GRM7: variants seen among roughly 807,000 people sequenced by gnomAD.
GRM7 encodes metabotropic glutamate receptor 7.
Under a neutral mutation model 84.5 loss-of-function variants are expected in GRM7, and 35 were observed. The observed-to-expected ratio is 0.41, with a 90% confidence interval of 0.32 to 0.55. The LOEUF (loss-of-function observed/expected upper bound fraction) is 0.55, where lower values mean the gene tolerates loss of function less well. GRM7 is among the 20% of genes least tolerant of loss of function. GRM7 has a pLI of 0.19. For synonymous variants in GRM7, 487 were observed against 455.1 expected (o/e 1.07, Z -0.89); for missense variants, 1,003 against 1,194.6 (o/e 0.84, Z 2.36).
At chr3:7,733,985 A>G (rs770561479) in intron 9 of GRM7, among the ~76,000 whole-genome samples, 45 of 152,332 alleles carry the variant, frequency 3.0e-4, no homozygotes, top group Admixed American at 1.4e-3. Flanking sequence ...TTAAGCACTC[A>G]TCACAGATAT....
At chr3:7,175,114 G>A (rs1204110225) in intron 2 of GRM7, among the ~76,000 whole-genome samples, 1 of 152,144 alleles carries the variant, frequency 6.6e-6, no homozygotes, top group African/African-American at 2.4e-5. Flanking sequence ...TGTTTTACTT[G>A]GTTCTAAATT....
chr3:7,603,372 G>T (rs1186691253), intron 8 of GRM7, among the ~76,000 whole-genome samples: 1 of 152,102 alleles, frequency 6.6e-6, no homozygotes, highest in Non-Finnish European at 1.5e-5. Flanking sequence ...ATTGAAAGAA[G>T]TTGTTGCTGT....
At chr3:7,244,041 G>T (rs1697663434) in intron 2 of GRM7, among the ~76,000 whole-genome samples, 1 of 152,082 alleles carries the variant, frequency 6.6e-6, no homozygotes, top group Non-Finnish European at 1.5e-5. Flanking sequence ...GTGAGTGAGT[G>T]GTGAGTGAAT....
At chr3:7,183,731 T>C (rs561615444) in intron 2 of GRM7, among the ~76,000 whole-genome samples, 1 of 152,312 alleles carries the variant, frequency 6.6e-6, no homozygotes, top group Admixed American at 6.5e-5. Context: ...TATTCACTTA[T>C]ATTTGTACTG....
At chr3:6,949,370 A>G (rs13315751) in intron 1 of GRM7, among the ~76,000 whole-genome samples, 4,079 of 152,186 alleles carry the variant, frequency 0.027, 188 homozygotes, top group African/African-American at 0.093. Flanking sequence ...CTTTAGGAAT[A>G]TTGAATATTG....
chr3:7,154,528 T>A (rs1265389579), intron 2 of GRM7, among the ~76,000 whole-genome samples: 1 of 152,106 alleles, frequency 6.6e-6, no homozygotes, highest in Non-Finnish European at 1.5e-5. Context: ...AGTGAACTCT[T>A]TCTTTACTTG....
At chr3:7,512,060 A>C (rs1700228127) in intron 7 of GRM7, among the ~76,000 whole-genome samples, 7 of 152,126 alleles carry the variant, frequency 4.6e-5, no homozygotes, top group Admixed American at 4.6e-4. Flanking sequence ...TGGGAGGATC[A>C]CTTGAACCCA....
chr3:7,252,316 C>T (rs139803159), intron 2 of GRM7, among the ~76,000 whole-genome samples: 270 of 152,296 alleles, frequency 1.8e-3, no homozygotes, highest in African/African-American at 5.7e-3. Flanking sequence ...CTGCCTGTTC[C>T]GCTCATAGCC....
intron 7 of GRM7, among the ~76,000 whole-genome samples, chr3:7,516,476 CAAAAAAAAAA>C (rs34508559): frequency 7.1e-5 from 3 of 42,470 alleles, no homozygotes; most frequent in Non-Finnish European, 8.9e-5. Flanking sequence ...GACTCCCTCT[CAAAAAAAAAA>C]AAAAAAAAAA....
intron 1 of GRM7, among the ~76,000 whole-genome samples, chr3:6,953,385 T>C (rs937447872): frequency 2.0e-5 from 3 of 152,192 alleles, no homozygotes; most frequent in African/African-American, 7.2e-5. Context: ...AGCCAACATA[T>C]AGCAACAGCT....
intron 2 of GRM7, among the ~76,000 whole-genome samples, chr3:7,246,239 A>T (rs1035809374): frequency 6.6e-6 from 1 of 152,144 alleles, no homozygotes; most frequent in Admixed American, 6.6e-5. Context: ...GACAGATGAA[A>T]CATCAGCTAT....
intron 8 of GRM7, among the ~76,000 whole-genome samples, chr3:7,644,418 C>G (rs768592119): frequency 2.0e-5 from 3 of 152,140 alleles, no homozygotes; most frequent in East Asian, 3.8e-4. Context: ...CGGCACAGGC[C>G]TAATTCCTCA....
At chr3:7,300,889 G>C (rs1033109823) in intron 3 of GRM7, among the ~76,000 whole-genome samples, 1 of 152,096 alleles carries the variant, frequency 6.6e-6, no homozygotes, top group African/African-American at 2.4e-5. Flanking sequence ...CTTTCGACTT[G>C]CTTTTGTACT....
At chr3:7,431,042 A>G (rs1696808255) in intron 5 of GRM7, among the ~76,000 whole-genome samples, 1 of 151,950 alleles carries the variant, frequency 6.6e-6, no homozygotes, top group Admixed American at 6.6e-5. Flanking sequence ...TGCGAACATA[A>G]TGACTGTGCT....
chr3:7,022,695 A>G (rs1711015), intron 1 of GRM7, among the ~76,000 whole-genome samples: 88,640 of 151,876 alleles, frequency 0.58, 26,966 homozygotes, highest in African/African-American at 0.75. Flanking sequence ...TGGAAGAAAG[A>G]GCCCATGAAA....
intron 2 of GRM7, among the ~76,000 whole-genome samples, chr3:7,282,139 G>T (rs1322379403): frequency 6.6e-6 from 1 of 152,136 alleles, no homozygotes; most frequent in African/African-American, 2.4e-5. Context: ...TACAATCTCA[G>T]AAATGCTATG....
rs540465218 is a variant in GRM7 at position 6,862,042 on chromosome 3, C to T, written c.519+135C>T. 27 of 687,150 alleles carry T rather than the reference C, an allele frequency of 3.9e-5. No homozygotes were observed. In the East Asian group the frequency reaches 6.3e-4, roughly 16 times the overall value. The allele number at this position is 687,150 out of a possible 1,614,324, so 42.6% of individuals were successfully genotyped here. ...TCCTCCCTGGAGATCCTGCCGAATC[C>T]CTCCCACCCCGCTCGAGGAGATACC... is the stretch of plus-strand genomic sequence containing the variant. On this transcript the variant is annotated intron_variant, in intron 1 of 9. Transcript: ENST00000357716. The surrounding 1 kb of genome is among the most constrained non-coding windows in gnomAD (Gnocchi z 5.2).
intron 1 of GRM7, among the ~76,000 whole-genome samples, chr3:7,105,470 T>C (rs1249408327): frequency 6.6e-6 from 1 of 151,916 alleles, no homozygotes; most frequent in Non-Finnish European, 1.5e-5. Context: ...TTCATGAATT[T>C]TGGCATTTTT....
chr3:7,482,425 C>G (rs1474016492), intron 7 of GRM7, among the ~76,000 whole-genome samples: 2 of 152,154 alleles, frequency 1.3e-5, no homozygotes, highest in Non-Finnish European at 2.9e-5. Flanking sequence ...ATGTAGGTAA[C>G]CATGTCCCAT....
Sources: allele counts gnomAD v4.1 joint callset (sites outside exome capture counted in the v4.1 genomes callset), GRCh38; gene constraint gnomAD v4.1.1; non-coding constraint Gnocchi (gnomAD v3.1); transcripts MANE v1.5; gene names NCBI Gene and HGNC (gene_info 2026-07-23, HGNC 2026-07-21).